DCBLD2: variants seen among roughly 807,000 people sequenced by gnomAD.
DCBLD2 encodes discoidin, CUB and LCCL domain-containing protein 2.
Under a neutral mutation model 86.8 loss-of-function variants are expected in DCBLD2, and 54 were observed. The ratio of observed to expected loss-of-function variants is 0.62; its 90% CI spans 0.50 to 0.78. The LOEUF (loss-of-function observed/expected upper bound fraction) is 0.78, where lower values mean the gene tolerates loss of function less well. Ranked by LOEUF, DCBLD2 falls within the 30% of genes least tolerant of loss-of-function variation. DCBLD2 has a pLI of 0.00. For synonymous variants in DCBLD2, 354 were observed against 341.3 expected (o/e 1.04, Z -0.41); for missense variants, 908 against 954.2 (o/e 0.95, Z 0.64).
chr3:98,802,929 T>G (rs538632401), intron 13 of DCBLD2, among the ~76,000 whole-genome samples: 4 of 152,112 alleles, frequency 2.6e-5, no homozygotes, highest in Non-Finnish European at 5.9e-5. Context: ...GGTCCCAGTA[T>G]CATGCTGTTT....
At chr3:98,900,305 A>G (rs189181541) in intron 1 of DCBLD2, among the ~76,000 whole-genome samples, 24 of 152,342 alleles carry the variant, frequency 1.6e-4, no homozygotes, top group African/African-American at 5.1e-4. Flanking sequence ...AATGCAATGG[A>G]AATATCTTTT....
At position 98,811,283 on chromosome 3, in the gene DCBLD2, C is replaced by T. The variant is rs1312751618; in HGVS notation, c.1487G>A (p.Arg496His). 8 of 1,612,814 alleles carry T rather than the reference C, an allele frequency of 5.0e-6. No homozygotes were observed. Among genetic ancestry groups the T allele is most frequent in the African/African-American group, 2.7e-5 (2 of 74,918 alleles). ...APKFTQPLQP[R>H]SSNEFPAQTE... ...CTGTGCAGGAAATTCATTGCTACTG[C>T]GAGGTTGTAGTGGTTGCGTAAATTT... Residue 496 changes from arginine (R) to histidine (H), a missense_variant, in exon 12 of 16, where the codon CGC (arginine) becomes CAC (histidine). Coordinates refer to ENST00000326840, the MANE Select transcript of DCBLD2 (RefSeq NM_080927.4).
chr3:98,870,236 G>T (rs1357491550), intron 2 of DCBLD2, among the ~76,000 whole-genome samples: 1 of 152,146 alleles, frequency 6.6e-6, no homozygotes, highest in African/African-American at 2.4e-5. Context: ...CTTTGTCAAA[G>T]ATCAGTTGGT....
At chr3:98,830,888 T>C (rs1161797773) in intron 3 of DCBLD2, among the ~76,000 whole-genome samples, 1 of 152,168 alleles carries the variant, frequency 6.6e-6, no homozygotes, top group Non-Finnish European at 1.5e-5. Context: ...GTTTTTCCAC[T>C]TGTTTGTGTC....
intron 12 of DCBLD2, 79 bp downstream of exon 12, chr3:98,811,115 G>T: frequency 7.1e-7 from 1 of 1,414,072 alleles, no homozygotes; most frequent in Non-Finnish European, 9.4e-7. Flanking sequence ...TAAACTGAAG[G>T]TTTAAAAATG....
chr3:98,847,073 G>A (rs900043886), intron 3 of DCBLD2, among the ~76,000 whole-genome samples: 4 of 152,008 alleles, frequency 2.6e-5, no homozygotes, highest in Non-Finnish European at 4.4e-5. Context: ...CTTAAAGGAC[G>A]GTAATCCATT....
chr3:98,874,846 C>A (rs538545860), intron 2 of DCBLD2, among the ~76,000 whole-genome samples: 2 of 152,190 alleles, frequency 1.3e-5, no homozygotes, highest in Non-Finnish European at 2.9e-5. Context: ...GAAGAGAGCC[C>A]TCACCAGAAA....
chr3:98,850,353 A>T (rs1942814093), intron 2 of DCBLD2, among the ~76,000 whole-genome samples: 1 of 152,158 alleles, frequency 6.6e-6, no homozygotes, highest in Non-Finnish European at 1.5e-5. Flanking sequence ...ACATAAATAA[A>T]TCACAAAAAA....
At chr3:98,888,992 C>A (rs947522502) in intron 1 of DCBLD2, among the ~76,000 whole-genome samples, 8 of 151,980 alleles carry the variant, frequency 5.3e-5, no homozygotes, top group African/African-American at 1.9e-4. Flanking sequence ...TTTCTGTGAA[C>A]TGGATTTCTC....
At chr3:98,812,244 C>A in intron 10 of DCBLD2, 88 bp downstream of exon 10, 1 of 1,493,530 alleles carries the variant, frequency 6.7e-7, no homozygotes, top group Non-Finnish European at 9.1e-7. Flanking sequence ...AAGACACTCA[C>A]ATTATTAATT....
chr3:98,804,333 T>C (rs1941789414), intron 13 of DCBLD2, among the ~76,000 whole-genome samples: 1 of 152,220 alleles, frequency 6.6e-6, no homozygotes, highest in Non-Finnish European at 1.5e-5. Flanking sequence ...TTTATTTGCA[T>C]AGAGGTGTTT....
chr3:98,825,294 AAG>A lies in DCBLD2; in HGVS notation c.623+19_623+20del. ...AACATTTAAGCAAAAAAAAAAAAAA[AAG>A]TCACAAATATAATCATACCTGAACT... On this transcript the variant is annotated intron_variant, in intron 4 of 15. Transcript: ENST00000326840. 2.0e-6 allele frequency: 3 copies of A among 1,490,870 alleles called. No homozygotes were observed. The highest frequency in any genetic ancestry group is 1.4e-5 in the South Asian group (1 of 73,706). The allele number at this position is 1,490,870 out of a possible 1,614,324, so 92.4% of individuals were successfully genotyped here.
At chr3:98,861,116 A>G (rs1467440288) in intron 2 of DCBLD2, among the ~76,000 whole-genome samples, 1 of 152,224 alleles carries the variant, frequency 6.6e-6, no homozygotes, top group Non-Finnish European at 1.5e-5. Flanking sequence ...CAAAGATTAA[A>G]AGAGACAAAG....
chr3:98,799,288 C>T lies in DCBLD2; in HGVS notation c.*84G>A, dbSNP rs951593322. ...CCACTTCAGTGACAGTTATGTAATA[C>T]ATTCTATATATTACTACCACTAATA... On this transcript the variant is annotated 3_prime_UTR_variant, in exon 16 of 16. Coordinates refer to ENST00000326840, the MANE Select transcript of DCBLD2 (RefSeq NM_080927.4). The T allele has an allele frequency of 7.5e-7, 1 of 1,331,086 alleles. No individual in the cohort carries two copies. Among genetic ancestry groups the T allele is most frequent in the Admixed American group, 2.3e-5 (1 of 42,978 alleles). 82.5% of individuals were successfully genotyped at this position (1,331,086 alleles called of 1,614,324 possible).
At chr3:98,821,420 A>G (rs1942116605) in intron 6 of DCBLD2, among the ~76,000 whole-genome samples, 1 of 152,240 alleles carries the variant, frequency 6.6e-6, no homozygotes, top group Non-Finnish European at 1.5e-5. Flanking sequence ...ACAGTAGAAC[A>G]CTATAGTTAC....
At chr3:98,874,686 T>C (rs987836744) in intron 2 of DCBLD2, among the ~76,000 whole-genome samples, 1 of 152,202 alleles carries the variant, frequency 6.6e-6, no homozygotes, top group Admixed American at 6.5e-5. Flanking sequence ...TAAAATTAAA[T>C]GGTTTTAGTT....
intron 2 of DCBLD2, among the ~76,000 whole-genome samples, chr3:98,865,913 A>C (rs1409381812): frequency 7.6e-6 from 1 of 131,018 alleles, no homozygotes. Context: ...CCTGTGTCCA[A>C]CTGTTCTCAT....
chr3:98,822,689 T>C lies in DCBLD2; in HGVS notation c.676A>G (p.Ile226Val). 1 of 1,594,224 alleles carries C rather than the reference T, an allele frequency of 6.3e-7. No homozygotes were observed. The highest frequency in any genetic ancestry group is 1.1e-5 in the South Asian group (1 of 87,060). The stretch of plus-strand genomic sequence containing the variant: ...CTTACATCTCTATATCCATGAGGAA[T>C]TGTTCCAGATATCTCAGCAAAAGGA... Reference protein sequence around the residue: ...LLPFAEISGTIPHGYRDSSPL... With the variant: ...LLPFAEISGTVPHGYRDSSPL... Residue 226 changes from isoleucine to valine, a missense_variant, in exon 5 of 16, where the codon ATT (isoleucine) becomes GTT (valine). Ile to Val is a conservative substitution (Grantham distance 29). Coordinates refer to ENST00000326840, the MANE Select transcript of DCBLD2 (RefSeq NM_080927.4).
intron 2 of DCBLD2, among the ~76,000 whole-genome samples, chr3:98,870,774 A>AAAGG (rs1943260898): frequency 1.3e-5 from 2 of 150,024 alleles, no homozygotes; most frequent in Non-Finnish European, 3.0e-5. Context: ...AGAAAGAAAG[A>AAAGG]AAGAAAGAAA....
Sources: allele counts gnomAD v4.1 joint callset (sites outside exome capture counted in the v4.1 genomes callset), GRCh38; gene constraint gnomAD v4.1.1; transcripts MANE v1.5; gene names NCBI Gene and HGNC (gene_info 2026-07-23, HGNC 2026-07-21).